The following NLGN1 variants were observed in gnomAD, a reference collection of about 807,000 sequenced individuals.
The protein encoded by NLGN1 is neuroligin 1, also known as neuroligin-1.
In NLGN1, 12 loss-of-function variants were observed where a neutral mutation model predicts 65.5. The ratio of observed to expected loss-of-function variants is 0.18; its 90% CI spans 0.12 to 0.30. The LOEUF is 0.30. Among genes scored for constraint, NLGN1 ranks in the 10% least tolerant of loss-of-function variants. NLGN1 has a pLI of 1.00. For missense variants in NLGN1, 750 were observed against 1,007.1 expected (o/e 0.74, Z 3.46); for synonymous variants, 350 against 359.5 (o/e 0.97, Z 0.30).
intron 4 of NLGN1, among the ~76,000 whole-genome samples, chr3:174,104,801 T>C (rs1300546302): frequency 1.3e-5 from 2 of 152,024 alleles, no homozygotes; most frequent in African/African-American, 4.8e-5. Flanking sequence ...AGGGTTAGGG[T>C]TAATATTTTC....
intron 2 of NLGN1, among the ~76,000 whole-genome samples, chr3:173,587,469 G>A (rs1336387583): frequency 3.9e-5 from 6 of 152,132 alleles, no homozygotes; most frequent in Admixed American, 1.3e-4. Context: ...CGAAGAGCAA[G>A]GTACCCAGTT....
intron 3 of NLGN1, among the ~76,000 whole-genome samples, chr3:173,754,824 T>A (rs996442311): frequency 4.0e-5 from 6 of 150,082 alleles, no homozygotes; most frequent in African/African-American, 1.5e-4. Flanking sequence ...TGCATTTACA[T>A]GTCCAGAAAG....
In NLGN1 at chr3:174,129,558, A is replaced by G. The variant is rs570883296; in HGVS notation, c.647-145757A>G. ...CAAAGTACGTACGACATTTGGGTTA[A>G]GATGGGGTTGTTAGATTTTTTTGAG... is the stretch of plus-strand genomic sequence containing the variant. On this transcript the variant is annotated intron_variant, in intron 4 of 6. Coordinates refer to ENST00000457714, the Ensembl canonical transcript of NLGN1. 7.8e-4 allele frequency among the ~76,000 whole-genome samples: 119 copies of G among 152,320 alleles called. 2 individuals carry two copies. Among genetic ancestry groups the G allele is most frequent in the Non-Finnish European group, 1.6e-3 (109 of 68,028 alleles).
intron 2 of NLGN1, among the ~76,000 whole-genome samples, chr3:173,539,668 C>CATATATT (rs1560406286): frequency 1.7e-4 from 11 of 66,046 alleles, no homozygotes; most frequent in Non-Finnish European, 4.2e-4. Flanking sequence ...TGTATATATG[C>CATATATT]ACATATATAA....
intron 2 of NLGN1, among the ~76,000 whole-genome samples, chr3:173,573,944 T>C (rs536373911): frequency 1.3e-5 from 2 of 150,218 alleles, no homozygotes; most frequent in African/African-American, 4.9e-5. Flanking sequence ...GCGCCTGTAG[T>C]CCCAGCTACT....
At chr3:174,236,262 A>G (rs1453372701) in intron 4 of NLGN1, among the ~76,000 whole-genome samples, 1 of 152,160 alleles carries the variant, frequency 6.6e-6, no homozygotes, top group Non-Finnish European at 1.5e-5. Flanking sequence ...TATTATCCAA[A>G]AAACATGTAA....
chr3:173,627,986 T>G (rs2149528119), intron 3 of NLGN1, among the ~76,000 whole-genome samples: 1 of 152,258 alleles, frequency 6.6e-6, no homozygotes, highest in African/African-American at 2.4e-5. Flanking sequence ...ACTTCTCTCC[T>G]TTGTATTTTT....
rs73048356 is a variant in NLGN1 at position 173,680,726 on chromosome 3, C to T, written c.493+75635C>T. ...AGTTAAAGGAGAGGACATTGGTTGA[C>T]AAGTTGAACCTCAGTCACTAGGGAC... On this transcript the variant is annotated intron_variant, in intron 3 of 6. Coordinates refer to ENST00000457714, the Ensembl canonical transcript of NLGN1. Among the ~76,000 whole-genome samples the T allele has an allele frequency of 4.8e-3, 723 of 152,194 alleles. 8 individuals carry two copies. Among genetic ancestry groups the T allele is most frequent in the African/African-American group, 0.017 (694 of 41,544 alleles).
chr3:174,286,251 A>C (rs1041133967), exon 7 of NLGN1: 1 of 151,488 alleles, frequency 6.6e-6, no homozygotes. Context: ...CTACCTACAT[A>C]TGTATTAATG....
At chr3:173,948,538 G>A (rs1353518616) in intron 4 of NLGN1, among the ~76,000 whole-genome samples, 5 of 152,196 alleles carry the variant, frequency 3.3e-5, no homozygotes, top group Non-Finnish European at 7.3e-5. Flanking sequence ...TGAGTAAATG[G>A]ACAGGGATAG....
chr3:174,096,848 A>G (rs1233413226), intron 4 of NLGN1, among the ~76,000 whole-genome samples: 1 of 152,142 alleles, frequency 6.6e-6, no homozygotes, highest in Non-Finnish European at 1.5e-5. Context: ...TGACAGTGGT[A>G]TTTAGAAACA....
chr3:174,055,943 C>A lies in NLGN1; in HGVS notation c.647-219372C>A, dbSNP rs1735975505. Among the ~76,000 whole-genome samples, 4 of 151,746 alleles carry A rather than the reference C, an allele frequency of 2.6e-5. No individual in the cohort carries two copies. In the South Asian group the frequency reaches 8.3e-4, roughly 32 times the overall value. ...GCTACTTTTACAAGTAGGTTATAGCCCATTGTCTCTGTCCTAGTAGAATCT... is the reference window on the plus strand; with the variant it reads ...GCTACTTTTACAAGTAGGTTATAGCACATTGTCTCTGTCCTAGTAGAATCT... On this transcript the variant is annotated intron_variant, in intron 4 of 6. Transcript: ENST00000457714.
In NLGN1 at chr3:173,774,314, G is replaced by A. The variant is rs188490169; in HGVS notation, c.494-33366G>A. On this transcript the variant is annotated intron_variant, in intron 3 of 6. Coordinates refer to ENST00000457714, the Ensembl canonical transcript of NLGN1. ...AGAACTTATGTAAAATGTAAGTGGG[G>A]GAAGAGAAGGGCATCCTGCTAGATA... 8.5e-5 allele frequency among the ~76,000 whole-genome samples: 13 copies of A among 152,266 alleles called. No individual in the cohort carries two copies. In the East Asian group the frequency reaches 1.9e-3, roughly 23 times the overall value.
intron 4 of NLGN1, among the ~76,000 whole-genome samples, chr3:174,244,033 T>A (rs903390248): frequency 3.9e-5 from 6 of 152,232 alleles, no homozygotes; most frequent in African/African-American, 1.4e-4. Context: ...CTGATTCATT[T>A]TTGTGTTTCA....
intron 4 of NLGN1, among the ~76,000 whole-genome samples, chr3:174,091,762 T>C (rs1744564050): frequency 6.6e-6 from 1 of 152,200 alleles, no homozygotes; most frequent in South Asian, 2.1e-4. Flanking sequence ...AGTTACAAGT[T>C]AAATAAATGG....
intron 3 of NLGN1, among the ~76,000 whole-genome samples, chr3:173,768,924 G>A (rs895871933): frequency 4.6e-5 from 7 of 152,008 alleles, no homozygotes; most frequent in Non-Finnish European, 8.8e-5. Flanking sequence ...CTACAGGCAC[G>A]TACCACCACA....
At chr3:173,642,966 A>G (rs1757650235) in intron 3 of NLGN1, among the ~76,000 whole-genome samples, 1 of 152,242 alleles carries the variant, frequency 6.6e-6, no homozygotes, top group Non-Finnish European at 1.5e-5. Context: ...TAAGTTAAAT[A>G]TAAAATGTGT....
chr3:174,028,648 G>A (rs956050176), intron 4 of NLGN1, among the ~76,000 whole-genome samples: 9 of 152,326 alleles, frequency 5.9e-5, no homozygotes, highest in South Asian at 2.1e-4. Flanking sequence ...GGGAAGCAGC[G>A]TATAAAAGTT....
intron 4 of NLGN1, among the ~76,000 whole-genome samples, chr3:174,174,134 G>C (rs1384046087): frequency 6.8e-6 from 1 of 146,396 alleles, no homozygotes; most frequent in Non-Finnish European, 1.5e-5. Context: ...ATCTCATCCA[G>C]GTCACTGTGA....
Sources: allele counts gnomAD v4.1 joint callset (sites outside exome capture counted in the v4.1 genomes callset), GRCh38; gene constraint gnomAD v4.1.1; transcripts MANE v1.5; gene names NCBI Gene and HGNC (gene_info 2026-07-23, HGNC 2026-07-21).